The following CCDC74A variants were observed in gnomAD, a reference collection of about 807,000 sequenced individuals.
CCDC74A encodes coiled-coil domain containing 74A.
A neutral mutation model predicts 37.6 loss-of-function variants in CCDC74A; 38 were observed. That is an observed-to-expected ratio of 1.01 (90% CI 0.78 to 1.33). The LOEUF is 1.33. CCDC74A is among the 40% of genes most tolerant of loss of function. The pLI, the probability that CCDC74A is intolerant of heterozygous loss-of-function variation, is 0.00. For synonymous variants in CCDC74A, 134 were observed against 165.2 expected, an observed-to-expected ratio of 0.81 and a Z score of 1.45; for missense variants, 340 against 403.4, an observed-to-expected ratio of 0.84 and a Z score of 1.35.
At position 131,532,718 on chromosome 2, in the gene CCDC74A, A is replaced by G. The variant is rs779960354; in HGVS notation, c.615A>G (p.Thr205=). The change falls in exon 5 of 8, where the codon ACA becomes ACG. Residue 205 remains threonine, a synonymous_variant. Transcript: ENST00000409856. The part of the protein sequence containing the change: ...ILPLPLRKPT[T]LRQCEVLIRE... Reference sequence around the variant, plus strand: ...CCCTTCCCCTGCGAAAGCCCACCACACTTAGGCAGTGCGAAGTGCTCATCC... The same window carrying G: ...CCCTTCCCCTGCGAAAGCCCACCACGCTTAGGCAGTGCGAAGTGCTCATCC... The G allele has an allele frequency of 2.1e-5, 34 of 1,613,488 alleles. No individual in the cohort carries two copies. Among genetic ancestry groups the G allele is most frequent in the Non-Finnish European group, 8.5e-7 (1 of 1,179,798 alleles).
chr2:131,532,985 G>T (rs1455446708), intron 6 of CCDC74A, 28 bp from the exon 7 acceptor site: 3 of 1,613,946 alleles, frequency 1.9e-6, no homozygotes, highest in Non-Finnish European at 1.7e-6. Flanking sequence ...CCTATCCACA[G>T]CTCACTGCTG....
At chr2:131,532,444 G>A (rs1354241911) in intron 4 of CCDC74A, 145 bp from the exon 5 acceptor site, 1 of 945,248 alleles carries the variant, frequency 1.1e-6, no homozygotes, top group Non-Finnish European at 1.6e-6. Flanking sequence ...CCCCCACCTG[G>A]TGCCCAGAGC....
At chr2:131,526,830 C>T (rs1014997234), upstream of CCDC74A, among the ~76,000 whole-genome samples, 1 of 152,118 alleles carries the variant, frequency 6.6e-6, no homozygotes, top group Non-Finnish European at 1.5e-5. Flanking sequence ...TCCCTGTTGC[C>T]TTTACGGTTT....
In CCDC74A at chr2:131,528,128, T is replaced by G; in HGVS notation, c.158T>G (p.Leu53Arg). The G allele has an allele frequency of 1.2e-6, 2 of 1,613,862 alleles. No homozygotes were observed. The highest frequency in any genetic ancestry group is 2.2e-5 in the East Asian group (1 of 44,848). ...QSDPQKRNLD[L>R]EKSLQFLQQQ... Reference sequence around the variant, plus strand: ...GACCCGCAGAAACGGAACCTGGACCTGGAGAAAAGCCTGCAGTTCCTGCAG... The same window carrying G: ...GACCCGCAGAAACGGAACCTGGACCGGGAGAAAAGCCTGCAGTTCCTGCAG... Residue 53 changes from leucine to arginine, a missense_variant, in exon 1 of 8, where the codon CTG becomes CGG. Physicochemically the swap from Leu to Arg is moderately radical, Grantham distance 102. Transcript: ENST00000409856.
chr2:131,522,736 C>T (rs1238638787), upstream of CCDC74A, among the ~76,000 whole-genome samples: 1 of 152,170 alleles, frequency 6.6e-6, no homozygotes, highest in Non-Finnish European at 1.5e-5. Flanking sequence ...CCAGCGCCCC[C>T]GTGATCCGAG....
At chr2:131,525,771 T>G (rs1680282264), upstream of CCDC74A, among the ~76,000 whole-genome samples, 1 of 133,878 alleles carries the variant, frequency 7.5e-6, no homozygotes, top group Admixed American at 9.0e-5. Flanking sequence ...CAGGCTGGAG[T>G]GCAGTGGTAC....
chr2:131,533,384 C>G lies in CCDC74A; in HGVS notation c.925C>G (p.Arg309Gly), dbSNP rs137982467. Residue 309 changes from arginine (R) to glycine (G), a missense_variant, in exon 8 of 8, where the codon CGC (arginine) becomes GGC (glycine). Around this residue, in one of 3 missense-constraint regions of CCDC74A, gnomAD observed 185 missense variants for 231.5 expected, o/e 0.80. Transcript: ENST00000409856. ...LQAMQKRRLH[R>G]SVL The stretch of plus-strand genomic sequence containing the variant: ...GGCAATGCAGAAACGGCGCCTGCAT[C>G]GCTCAGTGCTTTGAGCCACCCCAAT... The G allele has an allele frequency of 2.3e-4, 373 of 1,613,506 alleles. No homozygotes were observed. In the African/African-American group the frequency reaches 4.2e-3, roughly 18 times the overall value.
intron 7 of CCDC74A, 53 bp downstream of exon 7, chr2:131,533,122 G>A (rs1482762136): frequency 6.2e-7 from 1 of 1,612,116 alleles, no homozygotes; most frequent in African/African-American, 1.3e-5. Context: ...CTGGGCCCCA[G>A]GGAGGGAGTG....
Position 131,530,779 on chromosome 2 carries a change from A to G in CCDC74A, c.298A>G (p.Ser100Gly). 4 of 1,602,952 alleles carry G rather than the reference A, an allele frequency of 2.5e-6. No individual in the cohort carries two copies. The highest frequency in any genetic ancestry group is 3.4e-6 in the Non-Finnish European group (4 of 1,178,260). Residue 100 changes from serine (S) to glycine (G), a missense_variant and splice_region_variant, in exon 3 of 8, where the codon AGC (serine) becomes GGC (glycine). Physicochemically the swap from Ser to Gly is moderately conservative, Grantham distance 56. Transcript: ENST00000409856. ...IMNQTSQKKDSLSMSSFQSVK... is the reference protein window; with the variant it reads ...IMNQTSQKKDGLSMSSFQSVK... ...CGACACTGTGCGCTCTCCTGCAGAC[A>G]GCCTCTCCATGTCAAGCTTCCAGTC...
At chr2:131,523,608 CAG>C (rs1680202483), upstream of CCDC74A, among the ~76,000 whole-genome samples, 1 of 152,178 alleles carries the variant, frequency 6.6e-6, no homozygotes, top group Non-Finnish European at 1.5e-5. Flanking sequence ...GCCTGGGTGA[CAG>C]AGACTCCCTC....
In CCDC74A at chr2:131,533,342, A is replaced by G. The variant is rs145766029; in HGVS notation, c.883A>G (p.Arg295Gly). 38 of 1,613,448 alleles carry G rather than the reference A, an allele frequency of 2.4e-5. No individual in the cohort carries two copies. The African/African-American group carries it at 4.9e-4, about 21-fold the overall frequency. ...GACCCCGAAGAACAACTTTGCCGAG[A>G]GGCAGAAGAGGCTGCAGGCAATGCA... ...KQTPKNNFAE[R>G]QKRLQAMQKR... is the part of the protein sequence containing the mutation. Residue 295 changes from arginine to glycine, a missense_variant, in exon 8 of 8, where the codon AGG (arginine) becomes GGG (glycine). Arg to Gly is a moderately radical substitution (Grantham distance 125). Transcript: ENST00000409856.
intron 1 of CCDC74A, 36 bp downstream of exon 1, chr2:131,528,256 C>T (rs1385742850): frequency 5.0e-6 from 8 of 1,606,380 alleles, no homozygotes; most frequent in Non-Finnish European, 6.8e-6. Flanking sequence ...GGCCCTGCCT[C>T]CCCAGGCACA....
In CCDC74A at chr2:131,533,634, T is replaced by C. The variant is rs59016162; in HGVS notation, c.*236T>C. On this transcript the variant is annotated 3_prime_UTR_variant, in exon 8 of 8. Coordinates refer to ENST00000409856, the MANE Select transcript of CCDC74A (RefSeq NM_001258306.3). ...GATGAAGCAGGTATCGCCTTACCTG[T>C]TGAAACTGAAAATAAAGCTTGTTTA... 68 of 570,042 alleles carry C rather than the reference T, an allele frequency of 1.2e-4. No individual in the cohort carries two copies. Among genetic ancestry groups the C allele is most frequent in the African/African-American group, 1.1e-3 (57 of 53,302 alleles). The allele number at this position is 570,042 out of a possible 1,614,324, so 35.3% of individuals were successfully genotyped here. A position where few individuals can be genotyped will look rare whatever the true frequency, so the allele number is the denominator to read the frequency against.
chr2:131,523,542 G>A (rs1680198927), upstream of CCDC74A, among the ~76,000 whole-genome samples: 1 of 152,138 alleles, frequency 6.6e-6, no homozygotes, highest in Non-Finnish European at 1.5e-5. Context: ...CAGGAAAATC[G>A]CTTGAACCTG....
intron 4 of CCDC74A, among the ~76,000 whole-genome samples, chr2:131,532,083 C>T (rs1490194377): frequency 6.6e-6 from 1 of 151,020 alleles, no homozygotes; most frequent in East Asian, 1.9e-4. Flanking sequence ...AAACCACTTC[C>T]TCAGAGAAAA....
In CCDC74A at chr2:131,533,605, A is replaced by G. The variant is rs1681774083; in HGVS notation, c.*207A>G. 1.5e-6 allele frequency: 1 copy of G among 662,302 alleles called. No homozygotes were observed. The highest frequency in any genetic ancestry group is 2.5e-6 in the Non-Finnish European group (1 of 397,244). The allele number at this position is 662,302 out of a possible 1,614,324, so 41.0% of individuals were successfully genotyped here. A position where few individuals can be genotyped will look rare whatever the true frequency, so the allele number is the denominator to read the frequency against. ...TGCTATTTGGCATTTACATAAAAGC[A>G]CACGATGAAGCAGGTATCGCCTTAC... On this transcript the variant is annotated 3_prime_UTR_variant, in exon 8 of 8. Coordinates refer to ENST00000409856, the MANE Select transcript of CCDC74A (RefSeq NM_001258306.3).
intron 1 of CCDC74A, 150 bp from the exon 2 acceptor site, chr2:131,529,497 T>A: frequency 9.6e-7 from 1 of 1,041,494 alleles, no homozygotes; most frequent in Non-Finnish European, 1.5e-6. Context: ...GAAGGCGTGG[T>A]GGAGAGCGGG....
In CCDC74A at chr2:131,532,782, G is replaced by A. The variant is rs769414492; in HGVS notation, c.678+1G>A. 17 of 1,613,270 alleles carry A rather than the reference G, an allele frequency of 1.1e-5. No homozygotes were observed. The highest frequency in any genetic ancestry group is 5.3e-5 in the African/African-American group (4 of 74,896). On this transcript the variant is annotated splice_donor_variant, in intron 5 of 7. Coordinates refer to ENST00000409856, the MANE Select transcript of CCDC74A (RefSeq NM_001258306.3). LOFTEE classifies it high-confidence loss of function. ...TACCAACCTCCTGCAGACCCAAGAG[G>A]TGAGGCCCTGGGTGGTGGGGGTGGC... is the stretch of plus-strand genomic sequence containing the variant.
At chr2:131,524,676 TC>T (rs1680231029), upstream of CCDC74A, among the ~76,000 whole-genome samples, 1 of 151,988 alleles carries the variant, frequency 6.6e-6, no homozygotes, top group Non-Finnish European at 1.5e-5. Flanking sequence ...GTACACACCT[TC>T]CAGGAGGTTT....
Sources: allele counts gnomAD v4.1 joint callset (sites outside exome capture counted in the v4.1 genomes callset), GRCh38; gene constraint gnomAD v4.1.1; regional missense constraint gnomAD v4.1.1; transcripts MANE v1.5; gene names NCBI Gene and HGNC (gene_info 2026-07-23, HGNC 2026-07-21).